The following IL22RA2 variants were observed in gnomAD, a reference collection of about 807,000 sequenced individuals.
The protein encoded by IL22RA2 is interleukin 22 receptor subunit alpha 2, also known as interleukin-22 receptor subunit alpha-2.
IL22RA2 carries 39 observed loss-of-function variants against 30.7 expected under a neutral mutation model. That is an observed-to-expected ratio of 1.27 (90% CI 0.98 to 1.66). The LOEUF is 1.66. Ranked by LOEUF, IL22RA2 falls within the 40% of genes most tolerant of loss-of-function variation. The pLI, the probability that IL22RA2 is intolerant of heterozygous loss-of-function variation, is 0.00. For synonymous variants in IL22RA2, 103 were observed against 105.0 expected, an observed-to-expected ratio of 0.98 and a Z score of 0.11; for missense variants, 315 against 312.7, an observed-to-expected ratio of 1.01 and a Z score of -0.05.
At position 137,171,469 on chromosome 6, in the gene IL22RA2, AG is replaced by A. The variant is rs1778732761; in HGVS notation, c.-66+1943del. On this transcript the variant is annotated intron_variant, in intron 1 of 6. Transcript: ENST00000296980. ...GGTAAAATGAAAGTGCTAAAAGGAG[AG>A]GGTTGGGTGCTGCTGATGTGGAGGA... Among the ~76,000 whole-genome samples the A allele has an allele frequency of 2.6e-5, 4 of 152,162 alleles. No individual in the cohort carries two copies. The South Asian group carries it at 8.3e-4, about 32-fold the overall frequency.
At chr6:137,156,278 T>C (rs1263410457) in intron 4 of IL22RA2, among the ~76,000 whole-genome samples, 1 of 152,174 alleles carries the variant, frequency 6.6e-6, no homozygotes, top group Non-Finnish European at 1.5e-5. Flanking sequence ...AATTGGAGTC[T>C]GGGGAGAAAG....
chr6:137,154,883 C>T, intron 5 of IL22RA2, 58 bp downstream of exon 5: 6 of 1,490,252 alleles, frequency 4.0e-6, no homozygotes, highest in Non-Finnish European at 5.6e-6. Flanking sequence ...TAGCCGTGCT[C>T]CGGGAGGGCT....
chr6:137,151,244 T>C (rs1778285347), intron 5 of IL22RA2, among the ~76,000 whole-genome samples: 1 of 152,216 alleles, frequency 6.6e-6, no homozygotes, highest in African/African-American at 2.4e-5. Flanking sequence ...AGAATAGAAT[T>C]GAGAGTCTGG....
rs777289923 is a variant in IL22RA2, at chr6:137,155,085, A to G, written c.328T>C (p.Cys110Arg). Reference sequence around the variant, plus strand: ...CAAGAGAGTTCTTGAGTACCCCAACAGTCTTCTTTATTTTTCCATTGTCTC... The same window carrying G: ...CAAGAGAGTTCTTGAGTACCCCAACGGTCTTCTTTATTTTTCCATTGTCTC... ...GQRQWKNKED[C>R]WGTQELSCDL... The change falls in exon 5 of 7, where the codon TGT becomes CGT. Residue 110 changes from cysteine (C) to arginine (R), a missense_variant. Physicochemically the swap from Cys to Arg is radical, Grantham distance 180 (BLOSUM62 -3). Transcript: ENST00000296980. 40 of 1,599,298 alleles carry G rather than the reference A, an allele frequency of 2.5e-5. 1 individual carries two copies. In the South Asian group the frequency reaches 4.1e-4, roughly 16 times the overall value.
At chr6:137,171,131 T>C (rs1327393312) in intron 1 of IL22RA2, among the ~76,000 whole-genome samples, 2 of 152,244 alleles carry the variant, frequency 1.3e-5, no homozygotes, top group African/African-American at 2.4e-5. Context: ...TATCCATCCA[T>C]GCAGCTATCC....
rs1169744118 is a variant in IL22RA2, at chr6:137,156,940, A to G, written c.198-86T>C. 3.2e-6 allele frequency: 5 copies of G among 1,539,926 alleles called. No individual in the cohort carries two copies. The Admixed American group carries it at 8.8e-5, about 27-fold the overall frequency. On this transcript the variant is annotated intron_variant, in intron 3 of 6. Transcript: ENST00000296980. The stretch of plus-strand genomic sequence containing the variant: ...GGCTTTACAACAACCACTCTCATAG[A>G]AACATTTCCATGACAAATTCAGTCT...
intron 2 of IL22RA2, 56 bp from the exon 3 acceptor site, chr6:137,158,538 C>A: frequency 6.3e-7 from 1 of 1,583,794 alleles, no homozygotes; most frequent in Non-Finnish European, 8.6e-7. Context: ...CTGCTGTTCC[C>A]AGCAGTAGTT....
intron 1 of IL22RA2, among the ~76,000 whole-genome samples, chr6:137,170,892 C>T (rs541091466): frequency 5.3e-4 from 80 of 152,270 alleles, no homozygotes; most frequent in Non-Finnish European, 9.3e-4. Flanking sequence ...ATCTTAGAAG[C>T]CTTCCTGAAA....
intron 5 of IL22RA2, among the ~76,000 whole-genome samples, chr6:137,150,336 T>G (rs917506735): frequency 6.6e-6 from 1 of 152,162 alleles, no homozygotes; most frequent in Non-Finnish European, 1.5e-5. Flanking sequence ...AGGAGGCAGC[T>G]GAGTGGGTGA....
chr6:137,173,476 T>C lies in IL22RA2; in HGVS notation c.-129A>G, dbSNP rs758195014. Reference sequence around the variant, plus strand: ...TAGTGTCAATAATAAGATCTAATAATTATGGGACGCCATGTTATGTTTTTC... The same window carrying C: ...TAGTGTCAATAATAAGATCTAATAACTATGGGACGCCATGTTATGTTTTTC... On this transcript the variant is annotated 5_prime_UTR_variant, in exon 1 of 7. Coordinates refer to ENST00000296980, the MANE Select transcript of IL22RA2 (RefSeq NM_052962.3). 3 of 152,270 alleles carry C rather than the reference T, an allele frequency of 2.0e-5. No individual in the cohort carries two copies. Among genetic ancestry groups the C allele is most frequent in the Non-Finnish European group, 2.9e-5 (2 of 68,034 alleles). The allele number at this position is 152,270 out of a possible 1,614,324, so 9.4% of individuals were successfully genotyped here.
chr6:137,147,120 C>T (rs1469124060), intron 6 of IL22RA2, among the ~76,000 whole-genome samples: 1 of 139,576 alleles, frequency 7.2e-6, no homozygotes, highest in Non-Finnish European at 1.5e-5. Context: ...GAGGCCAAGG[C>T]TGGAGGATTG....
chr6:137,158,139 A>C (rs1778447182), intron 3 of IL22RA2, among the ~76,000 whole-genome samples: 1 of 152,150 alleles, frequency 6.6e-6, no homozygotes, highest in Non-Finnish European at 1.5e-5. Context: ...TCTAGGGCTG[A>C]AGTATCTGCC....
intron 1 of IL22RA2, among the ~76,000 whole-genome samples, chr6:137,165,983 C>T (rs552993162): frequency 1.2e-4 from 19 of 152,348 alleles, no homozygotes; most frequent in Admixed American, 1.0e-3. Flanking sequence ...TCCGGCCACA[C>T]TGCTGCTGAT....
At chr6:137,156,016 A>T (rs2114368741) in intron 4 of IL22RA2, among the ~76,000 whole-genome samples, 1 of 152,280 alleles carries the variant, frequency 6.6e-6, no homozygotes, top group South Asian at 2.1e-4. Context: ...CCTACCCAAC[A>T]TACATGATTA....
At chr6:137,147,297 G>A (rs1159604860) in intron 6 of IL22RA2, among the ~76,000 whole-genome samples, 2 of 149,814 alleles carry the variant, frequency 1.3e-5, no homozygotes, top group Admixed American at 6.6e-5. Context: ...AGAAGTTAGA[G>A]GCTACAGTGA....
intron 1 of IL22RA2, among the ~76,000 whole-genome samples, chr6:137,167,456 G>A (rs1778647302): frequency 6.6e-6 from 1 of 152,206 alleles, no homozygotes; most frequent in East Asian, 1.9e-4. Flanking sequence ...GAAGGCAAAT[G>A]CAAGCCTTAG....
At chr6:137,149,124 G>C (rs2114351308) in intron 5 of IL22RA2, among the ~76,000 whole-genome samples, 1 of 152,174 alleles carries the variant, frequency 6.6e-6, no homozygotes, top group East Asian at 1.9e-4. Context: ...CTCCTTTTAA[G>C]ATTTTTCTTA....
intron 1 of IL22RA2, among the ~76,000 whole-genome samples, chr6:137,167,295 A>G (rs965057085): frequency 1.3e-5 from 2 of 152,208 alleles, no homozygotes; most frequent in African/African-American, 2.4e-5. Flanking sequence ...CTCATCTAAG[A>G]TGGGATCAGG....
chr6:137,173,447 AT>A lies in IL22RA2; in HGVS notation c.-101del, dbSNP rs1778783560. On this transcript the variant is annotated 5_prime_UTR_variant, in exon 1 of 7. It adds an upstream start codon to the 5' untranslated region. Transcript: ENST00000296980. Reference sequence around the variant, plus strand: ...TCTTCCTTTTGGTAATTTTAATGCCATTTTAGTGTCAATAATAAGATCTAAT... The same window carrying A: ...TCTTCCTTTTGGTAATTTTAATGCCATTTAGTGTCAATAATAAGATCTAAT... 6.6e-6 allele frequency: 1 copy of A among 152,250 alleles called. No individual in the cohort carries two copies. The highest frequency in any genetic ancestry group is 1.5e-5 in the Non-Finnish European group (1 of 68,044). The allele number at this position is 152,250 out of a possible 1,614,324, so 9.4% of individuals were successfully genotyped here. A position where few individuals can be genotyped will look rare whatever the true frequency, so the allele number is the denominator to read the frequency against.
Sources: gnomAD v4.1 joint callset for allele counts (sites outside exome capture counted in the v4.1 genomes callset) on GRCh38, gnomAD v4.1.1 for gene constraint, MANE v1.5 for transcripts, NCBI Gene and HGNC (gene_info 2026-07-23, HGNC 2026-07-21) for gene names.